SDCCAG8: variants seen among roughly 807,000 people sequenced by gnomAD.
The protein encoded by SDCCAG8 is SHH signaling and ciliogenesis regulator SDCCAG8.
Under a neutral mutation model 101.8 loss-of-function variants are expected in SDCCAG8, and 74 were observed. That is an observed-to-expected ratio of 0.73 (90% CI 0.60 to 0.88). The LOEUF (loss-of-function observed/expected upper bound fraction) is 0.88, where lower values mean the gene tolerates loss of function less well. SDCCAG8 is among the 40% of genes least tolerant of loss of function. The pLI is 0.00. For synonymous variants in SDCCAG8, 281 were observed against 292.9 expected, an observed-to-expected ratio of 0.96 and a Z score of 0.41; for missense variants, 787 against 822.6, an observed-to-expected ratio of 0.96 and a Z score of 0.53.
chr1:243,307,396 T>C, intron 7 of SDCCAG8: 4 of 984,210 alleles, frequency 4.1e-6, no homozygotes, highest in Non-Finnish European at 4.8e-6. Context: ...ACTTACTTTC[T>C]TTTGAAACAG....
intron 12 of SDCCAG8, among the ~76,000 whole-genome samples, chr1:243,374,950 A>G (rs929362015): frequency 1.3e-5 from 2 of 152,188 alleles, no homozygotes; most frequent in African/African-American, 4.8e-5. Flanking sequence ...TCAGTTATCT[A>G]GAAAAACAAA....
intron 16 of SDCCAG8, among the ~76,000 whole-genome samples, chr1:243,468,035 A>G (rs574706543): frequency 7.2e-5 from 11 of 152,304 alleles, no homozygotes; most frequent in African/African-American, 2.4e-4. Flanking sequence ...TGTATGGACA[A>G]AAGGGCACAG....
At chr1:243,360,116 G>A (rs142423386) in intron 12 of SDCCAG8, among the ~76,000 whole-genome samples, 11 of 148,062 alleles carry the variant, frequency 7.4e-5, no homozygotes, top group East Asian at 6.0e-4. Context: ...AGGTACTGTC[G>A]TCTTCAGCTG....
intron 13 of SDCCAG8, among the ~76,000 whole-genome samples, chr1:243,414,844 TATGTGTG>T (rs1269426953): frequency 9.6e-6 from 1 of 103,682 alleles, no homozygotes; most frequent in African/African-American, 3.8e-5. Context: ...ACCATTCTAA[TATGTGTG>T]TGTGTGTGTG....
At chr1:243,421,188 C>T (rs2148027660) in intron 15 of SDCCAG8, among the ~76,000 whole-genome samples, 1 of 152,288 alleles carries the variant, frequency 6.6e-6, no homozygotes, top group East Asian at 1.9e-4. Flanking sequence ...ATAATTAAGA[C>T]ATATTTTTCC....
chr1:243,491,271 A>T (rs1053504117), intron 17 of SDCCAG8, among the ~76,000 whole-genome samples: 1 of 152,166 alleles, frequency 6.6e-6, no homozygotes, highest in Non-Finnish European at 1.5e-5. Flanking sequence ...AAAACGCATT[A>T]AAAAAACCCC....
chr1:243,261,861 T>C (rs1001816519), intron 1 of SDCCAG8, among the ~76,000 whole-genome samples: 3 of 149,356 alleles, frequency 2.0e-5, no homozygotes, highest in Admixed American at 6.7e-5. Flanking sequence ...TCTTTTTCTT[T>C]TTTTTTTTTT....
rs1285146744 is a variant in SDCCAG8, at chr1:243,418,052, T to C, written c.1829T>C (p.Leu610Pro). Residue 610 changes from leucine (L) to proline (P), a missense_variant, in exon 15 of 18, where the codon CTG becomes CCG. Physicochemically the swap from Leu to Pro is moderately conservative, Grantham distance 98. Transcript: ENST00000366541. Reference protein sequence around the residue: ...KEECCTLAKKLEQISQKTRSE... With the variant: ...KEECCTLAKKPEQISQKTRSE... The stretch of plus-strand genomic sequence containing the variant: ...GAATGCTGTACATTAGCCAAGAAAC[T>C]GGAACAAATCTCTCAAAAAACCAGG... The C allele has an allele frequency of 6.2e-7, 1 of 1,612,384 alleles. No homozygotes were observed. Among genetic ancestry groups the C allele is most frequent in the Non-Finnish European group, 8.5e-7 (1 of 1,178,826 alleles).
chr1:243,457,276 T>C (rs1163461552), intron 16 of SDCCAG8, among the ~76,000 whole-genome samples: 2 of 152,228 alleles, frequency 1.3e-5, no homozygotes, highest in African/African-American at 2.4e-5. Context: ...ATTCTCAGTG[T>C]CATGTCAACA....
At chr1:243,355,882 C>G (rs2147833287) in intron 12 of SDCCAG8, among the ~76,000 whole-genome samples, 1 of 152,268 alleles carries the variant, frequency 6.6e-6, no homozygotes, top group South Asian at 2.1e-4. Context: ...AGTGCTGGGA[C>G]TACAGGCCTG....
rs189062281 is a variant in SDCCAG8 at position 243,466,434 on chromosome 1, A to C, written c.1986-22580A>C. ...AGAGTAGTTAACAGTGCAGGTTCTG[A>C]ACTCAGACAGTTTAAGTTCAAATCC... On this transcript the variant is annotated intron_variant, in intron 16 of 17. Coordinates refer to ENST00000366541, the MANE Select transcript of SDCCAG8 (RefSeq NM_006642.5). Among the ~76,000 whole-genome samples the C allele has an allele frequency of 4.6e-5, 7 of 152,304 alleles. No individual in the cohort carries two copies. In the East Asian group the frequency reaches 1.3e-3, roughly 29 times the overall value.
Position 243,321,658 on chromosome 1 carries a change from C to CT in SDCCAG8, c.1068+4774dup, listed in dbSNP as rs540040354. 1.8e-3 allele frequency among the ~76,000 whole-genome samples: 267 copies of CT among 151,468 alleles called. 3 individuals carry two copies. In the East Asian group the frequency reaches 0.033, roughly 19 times the overall value. On this transcript the variant is annotated intron_variant, in intron 9 of 17. Transcript: ENST00000366541. ...ATGGGCACCTAAGTTGATTCCATGT[C>CT]TTTTTTTTTGAGATAGAATCTTGTT...
At chr1:243,498,890 T>C (rs1668756945) in intron 17 of SDCCAG8, among the ~76,000 whole-genome samples, 1 of 152,228 alleles carries the variant, frequency 6.6e-6, no homozygotes, top group Non-Finnish European at 1.5e-5. Context: ...TCCCAATTTA[T>C]CTGACGTAGA....
chr1:243,406,497 G>A (rs2079794326), intron 13 of SDCCAG8, among the ~76,000 whole-genome samples: 1 of 152,096 alleles, frequency 6.6e-6, no homozygotes. Flanking sequence ...TCTTACTATT[G>A]CTGTAGTAAT....
chr1:243,272,235 A>G lies in SDCCAG8; in HGVS notation c.306+1172A>G, dbSNP rs558765540. On this transcript the variant is annotated intron_variant, in intron 3 of 17. Transcript: ENST00000366541. ...AGCAAGTAACCACCTCACATTTTCA[A>G]TGTGTTTTCTAGTTCAATACAATGC... 1.6e-4 allele frequency among the ~76,000 whole-genome samples: 24 copies of G among 152,348 alleles called. No individual in the cohort carries two copies. In the South Asian group the frequency reaches 5.0e-3, roughly 32 times the overall value.
At position 243,268,979 on chromosome 1, in the gene SDCCAG8, G is replaced by A. The variant is rs966152765; in HGVS notation, c.68-1126G>A. ...GGTGCTGGAGTCCTCTGGAGGACTG[G>A]GCTGTCAGAGTGGGGCAGCGGGGTG... On this transcript the variant is annotated intron_variant, in intron 1 of 17. Transcript: ENST00000366541. Among the ~76,000 whole-genome samples the A allele has an allele frequency of 4.6e-5, 7 of 152,056 alleles. No individual in the cohort carries two copies. The South Asian group carries it at 6.2e-4, about 14-fold the overall frequency.
chr1:243,449,103 A>G (rs1441673537), intron 16 of SDCCAG8, among the ~76,000 whole-genome samples: 3 of 152,246 alleles, frequency 2.0e-5, no homozygotes, highest in Non-Finnish European at 4.4e-5. Flanking sequence ...ACACTCAGTA[A>G]GTGTTAATCA....
At chr1:243,370,291 G>A (rs1344370676) in intron 12 of SDCCAG8, among the ~76,000 whole-genome samples, 5 of 152,028 alleles carry the variant, frequency 3.3e-5, no homozygotes, top group Non-Finnish European at 7.4e-5. Context: ...AGGATTAGGG[G>A]CAGAAAAGGC....
At chr1:243,259,684 T>TG (rs981448633) in intron 1 of SDCCAG8, among the ~76,000 whole-genome samples, 141 of 152,126 alleles carry the variant, frequency 9.3e-4, no homozygotes, top group African/African-American at 3.2e-3. Flanking sequence ...CCAGGCGTGG[T>TG]GGCAGGCGCG....
Sources: gnomAD v4.1 joint callset for allele counts (sites outside exome capture counted in the v4.1 genomes callset) on GRCh38, gnomAD v4.1.1 for gene constraint, MANE v1.5 for transcripts, NCBI Gene and HGNC (gene_info 2026-07-23, HGNC 2026-07-21) for gene names.